Variants in ZUP1 observed in about 807,000 individuals in gnomAD.
ZUP1 encodes zinc finger-containing ubiquitin peptidase 1.
Under a neutral mutation model 68.1 loss-of-function variants are expected in ZUP1, and 55 were observed. The ratio of observed to expected loss-of-function variants is 0.81; its 90% confidence interval spans 0.65 to 1.01. The LOEUF (loss-of-function observed/expected upper bound fraction) is 1.01, where lower values mean the gene tolerates loss of function less well. Ranked by LOEUF, ZUP1 falls within the 50% of genes least tolerant of loss-of-function variation. The pLI is 0.00. For synonymous variants in ZUP1, 223 were observed against 221.5 expected (o/e 1.01, Z -0.06); for missense variants, 684 against 674.9 (o/e 1.01, Z -0.15).
chr6:116,647,415 T>C, intron 8 of ZUP1, 44 bp downstream of exon 8: 2 of 1,417,136 alleles, frequency 1.4e-6, no homozygotes, highest in African/African-American at 2.9e-5. Flanking sequence ...CAATTTGTTA[T>C]CTTATAAACA....
At chr6:116,644,682 A>C (rs1776232173) in intron 9 of ZUP1, among the ~76,000 whole-genome samples, 1 of 150,332 alleles carries the variant, frequency 6.7e-6, no homozygotes, top group South Asian at 2.1e-4. Context: ...CACTCTGGGG[A>C]CTGTTGTGGG....
At chr6:116,648,924 C>G (rs1045456955) in intron 7 of ZUP1, among the ~76,000 whole-genome samples, 1 of 150,806 alleles carries the variant, frequency 6.6e-6, no homozygotes, top group African/African-American at 2.4e-5. Context: ...GAGCCAAGAT[C>G]GCGCCACTGC....
rs779525356 is a variant in ZUP1, at chr6:116,666,978, G to C, written c.215C>G (p.Thr72Ser). 4 of 1,613,698 alleles carry C rather than the reference G, an allele frequency of 2.5e-6. No homozygotes were observed. Among genetic ancestry groups the C allele is most frequent in the Non-Finnish European group, 3.4e-6 (4 of 1,179,838 alleles). Reference sequence around the variant, plus strand: ...GGTGTTGTCTTTCTTGTTATCTGAAGTTCCATATTGTACTGTATTTATCCT... The same window carrying C: ...GGTGTTGTCTTTCTTGTTATCTGAACTTCCATATTGTACTGTATTTATCCT... Reference protein sequence around the residue: ...FERINTVQYGTSDNKKDNTLQ... With the variant: ...FERINTVQYGSSDNKKDNTLQ... Residue 72 changes from threonine to serine, a missense_variant, in exon 2 of 10, where the codon ACT becomes AGT. Coordinates refer to ENST00000368576, the MANE Select transcript of ZUP1 (RefSeq NM_145062.3).
At chr6:116,639,694 C>A (rs1489542842) in intron 9 of ZUP1, among the ~76,000 whole-genome samples, 5 of 152,262 alleles carry the variant, frequency 3.3e-5, no homozygotes, top group African/African-American at 1.2e-4. Flanking sequence ...CTGTACATCA[C>A]CATCATCAAA....
chr6:116,660,692 G>T, intron 3 of ZUP1, 44 bp downstream of exon 3: 1 of 1,129,964 alleles, frequency 8.8e-7, no homozygotes, highest in Non-Finnish European at 1.3e-6. Context: ...GTCCTAGAAA[G>T]TAGAAATTAA....
At chr6:116,636,403 A>G (rs1398921849) in intron 9 of ZUP1, among the ~76,000 whole-genome samples, 2 of 152,140 alleles carry the variant, frequency 1.3e-5, no homozygotes, top group African/African-American at 4.8e-5. Context: ...TTACGAATAT[A>G]GTGGGGTAAC....
At chr6:116,639,577 C>T (rs1323966643) in intron 9 of ZUP1, among the ~76,000 whole-genome samples, 2 of 152,124 alleles carry the variant, frequency 1.3e-5, no homozygotes, top group Non-Finnish European at 2.9e-5. Context: ...CCCAGGCAAA[C>T]GGTCTGGAGT....
Position 116,658,792 on chromosome 6 carries a change from A to T in ZUP1, c.792+11T>A. The T allele has an allele frequency of 6.5e-7, 1 of 1,545,834 alleles. No individual in the cohort carries two copies. Among genetic ancestry groups the T allele is most frequent in the South Asian group, 1.2e-5 (1 of 86,608 alleles). ...AAATCAAAATATTATAATTGTTATT[A>T]ATCTTTGTACCTGCAGCTTCTGAAA... On this transcript the variant is annotated intron_variant, in intron 4 of 9. Transcript: ENST00000368576.
intron 3 of ZUP1, among the ~76,000 whole-genome samples, chr6:116,659,675 A>G (rs571080009): frequency 2.6e-5 from 4 of 152,194 alleles, no homozygotes; most frequent in Admixed American, 2.6e-4. Flanking sequence ...CAGGTGTTAG[A>G]TAATAATTTA....
intron 7 of ZUP1, 43 bp downstream of exon 7, chr6:116,651,529 C>T (rs569342083): frequency 2.0e-6 from 3 of 1,480,234 alleles, no homozygotes; most frequent in Non-Finnish European, 1.8e-6. Context: ...AACAAAGCTC[C>T]CCGATAAGGA....
chr6:116,642,417 C>T (rs1334566416), intron 9 of ZUP1, among the ~76,000 whole-genome samples: 1 of 152,134 alleles, frequency 6.6e-6, no homozygotes, highest in Non-Finnish European at 1.5e-5. Flanking sequence ...CCTTGATGAA[C>T]ATTGATGCAA....
At chr6:116,653,600 GA>G (rs952462037) in intron 5 of ZUP1, among the ~76,000 whole-genome samples, 1 of 151,904 alleles carries the variant, frequency 6.6e-6, no homozygotes, top group Non-Finnish European at 1.5e-5. Context: ...TTGAATTCAA[GA>G]AAAACAACAA....
chr6:116,650,690 T>G (rs1776463496), intron 7 of ZUP1, among the ~76,000 whole-genome samples: 1 of 152,134 alleles, frequency 6.6e-6, no homozygotes, highest in South Asian at 2.1e-4. Flanking sequence ...TTAGGCAGTC[T>G]CGCTCCAAAG....
At chr6:116,644,641 A>G (rs1776230288) in intron 9 of ZUP1, among the ~76,000 whole-genome samples, 1 of 151,556 alleles carries the variant, frequency 6.6e-6, no homozygotes, top group South Asian at 2.1e-4. Flanking sequence ...TTGAACAATG[A>G]GAACACATGG....
chr6:116,665,755 T>C (rs905739661), intron 2 of ZUP1, among the ~76,000 whole-genome samples: 24 of 84,940 alleles, frequency 2.8e-4, no homozygotes, highest in East Asian at 2.4e-4. Context: ...AGTTTTTTGG[T>C]TTTTTTTTTT....
Position 116,651,595 on chromosome 6 carries a change from T to A in ZUP1, c.1293A>T (p.Ile431=). The part of the protein sequence containing the change: ...KAWIGACEVY[I]LLTSLRVKCH... Reference sequence around the variant, plus strand: ...ACTTTACCCTTAGGGAGGTCAGGAGTATATATACTTCACATGCTCCAATCC... The same window carrying A: ...ACTTTACCCTTAGGGAGGTCAGGAGAATATATACTTCACATGCTCCAATCC... The change falls in exon 7 of 10, where the codon ATA becomes ATT. Residue 431 remains isoleucine, a synonymous_variant. Transcript: ENST00000368576. 3 of 1,613,510 alleles carry A rather than the reference T, an allele frequency of 1.9e-6. No homozygotes were observed. Among genetic ancestry groups the A allele is most frequent in the Non-Finnish European group, 2.5e-6 (3 of 1,179,634 alleles).
chr6:116,647,446 T>C lies in ZUP1; in HGVS notation c.1468+13A>G, dbSNP rs1776345477. The C allele has an allele frequency of 1.2e-5, 18 of 1,534,112 alleles. No individual in the cohort carries two copies. Among genetic ancestry groups the C allele is most frequent in the Non-Finnish European group, 1.4e-5 (16 of 1,131,224 alleles). On this transcript the variant is annotated intron_variant, in intron 8 of 9. Transcript: ENST00000368576. Reference sequence around the variant, plus strand: ...AAACAACATTGTCAAATATGAGTTATATTAATACTAACCTTGATGCTGAAG... The same window carrying C: ...AAACAACATTGTCAAATATGAGTTACATTAATACTAACCTTGATGCTGAAG...
intron 2 of ZUP1, among the ~76,000 whole-genome samples, chr6:116,663,401 C>A (rs918702002): frequency 6.6e-6 from 1 of 152,142 alleles, no homozygotes; most frequent in Non-Finnish European, 1.5e-5. Context: ...TATTTCACTT[C>A]TGTACTTCTA....
chr6:116,654,789 T>A (rs1429606293), intron 5 of ZUP1, among the ~76,000 whole-genome samples: 3 of 152,074 alleles, frequency 2.0e-5, no homozygotes, highest in Non-Finnish European at 4.4e-5. Flanking sequence ...AAGAGGAAAC[T>A]AACTCAGGAG....
Sources: allele counts gnomAD v4.1 joint callset (sites outside exome capture counted in the v4.1 genomes callset), GRCh38; gene constraint gnomAD v4.1.1; transcripts MANE v1.5; gene names NCBI Gene and HGNC (gene_info 2026-07-23, HGNC 2026-07-21).